The following KCNQ5 variants were observed in gnomAD, a reference collection of about 807,000 sequenced individuals.
KCNQ5 encodes the protein potassium voltage-gated channel subfamily KQT member 5.
In KCNQ5, 30 loss-of-function variants were observed where a neutral mutation model predicts 98.2. The ratio of observed to expected loss-of-function variants is 0.31; its 90% CI spans 0.23 to 0.41. KCNQ5 has a LOEUF of 0.41. Among genes scored for constraint, KCNQ5 ranks in the 10% least tolerant of loss-of-function variants. The pLI is 1.00. For missense variants in KCNQ5, 835 were observed against 1,182.5 expected, an observed-to-expected ratio of 0.71 and a Z score of 4.31; for synonymous variants, 458 against 449.4, an observed-to-expected ratio of 1.02 and a Z score of -0.24.
At chr6:73,116,555 AC>A (rs1775505417) in intron 7 of KCNQ5, among the ~76,000 whole-genome samples, 2 of 152,122 alleles carry the variant, frequency 1.3e-5, no homozygotes, top group African/African-American at 4.8e-5. Flanking sequence ...GTCCTCACAC[AC>A]CTGTAGCTAC....
At chr6:72,749,667 A>G (rs2840794) in intron 1 of KCNQ5, among the ~76,000 whole-genome samples, 119,840 of 151,978 alleles carry the variant, frequency 0.79, 47,815 homozygotes, top group East Asian at 0.95. Context: ...GGAAAAATAC[A>G]AGGCACAAAT....
At chr6:72,756,741 C>T (rs1443313543) in intron 1 of KCNQ5, among the ~76,000 whole-genome samples, 2 of 151,870 alleles carry the variant, frequency 1.3e-5, no homozygotes, top group African/African-American at 4.8e-5. Flanking sequence ...TACATTTTTA[C>T]TTGTTTTTAT....
At chr6:72,987,365 C>T (rs1479165424) in intron 1 of KCNQ5, 9 of 718,848 alleles carry the variant, frequency 1.3e-5, no homozygotes, top group East Asian at 3.0e-5. Context: ...AAGGAGAGAT[C>T]GATCGAGAGT....
At chr6:73,015,985 G>A (rs966361347) in intron 2 of KCNQ5, among the ~76,000 whole-genome samples, 1 of 151,974 alleles carries the variant, frequency 6.6e-6, no homozygotes, top group East Asian at 1.9e-4. Flanking sequence ...ACCCAATAAG[G>A]ATGAGGCATT....
chr6:72,706,850 C>T (rs759071703), intron 1 of KCNQ5, among the ~76,000 whole-genome samples: 26 of 152,156 alleles, frequency 1.7e-4, no homozygotes, highest in South Asian at 4.1e-4. Context: ...TTACTATTCC[C>T]TCTTGTCAAA....
intron 1 of KCNQ5, among the ~76,000 whole-genome samples, chr6:72,745,820 G>A (rs1412004324): frequency 6.6e-6 from 1 of 152,044 alleles, no homozygotes; most frequent in Non-Finnish European, 1.5e-5. Flanking sequence ...AAGGCTCCAG[G>A]GAAGAAGCCT....
chr6:73,173,637 T>A (rs78023068), intron 11 of KCNQ5, among the ~76,000 whole-genome samples: 4,338 of 152,212 alleles, frequency 0.028, 98 homozygotes, highest in East Asian at 0.1. Flanking sequence ...TACACAAAAA[T>A]TAATATATGC....
intron 1 of KCNQ5, among the ~76,000 whole-genome samples, chr6:72,647,467 AAAAG>A (rs1392453743): frequency 6.6e-6 from 1 of 152,036 alleles, no homozygotes; most frequent in Non-Finnish European, 1.5e-5. Flanking sequence ...AAACGAAAAA[AAAAG>A]AAAAAAAAAA....
intron 1 of KCNQ5, among the ~76,000 whole-genome samples, chr6:72,917,179 C>G (rs949607477): frequency 2.6e-5 from 4 of 152,168 alleles, no homozygotes; most frequent in African/African-American, 9.7e-5. Context: ...ATTTCCTCTG[C>G]TGCTGCTTAT....
At chr6:73,123,424 T>A (rs1409310936) in intron 8 of KCNQ5, among the ~76,000 whole-genome samples, 1 of 152,100 alleles carries the variant, frequency 6.6e-6, no homozygotes, top group African/African-American at 2.4e-5. Flanking sequence ...TGGGATGCTT[T>A]GATTCCACTA....
At chr6:72,987,521 C>T (rs1320480282) in intron 1 of KCNQ5, 3 of 658,452 alleles carry the variant, frequency 4.6e-6, no homozygotes, top group Non-Finnish European at 8.6e-6. Flanking sequence ...CTTCGTTCAG[C>T]CGCCACCCCC....
chr6:72,921,963 T>C (rs1399476168), intron 1 of KCNQ5, among the ~76,000 whole-genome samples: 1 of 152,200 alleles, frequency 6.6e-6, no homozygotes, highest in Non-Finnish European at 1.5e-5. Flanking sequence ...AAATTCTTGA[T>C]ACAGTTAATG....
At chr6:73,019,381 T>C (rs999903989) in intron 2 of KCNQ5, among the ~76,000 whole-genome samples, 20 of 152,170 alleles carry the variant, frequency 1.3e-4, no homozygotes, top group Admixed American at 1.3e-4. Context: ...ATATATGGCA[T>C]TGTGGCAGGA....
chr6:72,723,681 A>T (rs544069974), intron 1 of KCNQ5, among the ~76,000 whole-genome samples: 50 of 151,506 alleles, frequency 3.3e-4, no homozygotes, highest in South Asian at 1.0e-3. Flanking sequence ...ATCACAGGTG[A>T]TCATATAAAT....
intron 1 of KCNQ5, among the ~76,000 whole-genome samples, chr6:72,935,108 G>C: frequency 1.0e-5 from 1 of 99,388 alleles, no homozygotes; most frequent in South Asian, 3.5e-4. Context: ...TTTCGCTCTT[G>C]TCACCAGGCT....
chr6:72,795,645 A>C (rs1774290096), intron 1 of KCNQ5, among the ~76,000 whole-genome samples: 1 of 152,184 alleles, frequency 6.6e-6, no homozygotes, highest in East Asian at 1.9e-4. Flanking sequence ...GGTGGGAGTA[A>C]TATAACATAT....
intron 1 of KCNQ5, among the ~76,000 whole-genome samples, chr6:72,740,862 C>T (rs898291550): frequency 3.9e-5 from 6 of 152,174 alleles, no homozygotes; most frequent in African/African-American, 1.4e-4. Flanking sequence ...GTCTCCTTTA[C>T]CTGCCCTCTA....
At chr6:73,003,721 G>A (rs1355016794) in intron 1 of KCNQ5, among the ~76,000 whole-genome samples, 187 bp from the exon 2 acceptor site, 3 of 152,070 alleles carry the variant, frequency 2.0e-5, no homozygotes, top group Admixed American at 6.6e-5. Context: ...AATTGCAGAG[G>A]AGCCCCATTT....
At chr6:73,108,928 G>C (rs1435093913) in intron 6 of KCNQ5, among the ~76,000 whole-genome samples, 1 of 152,108 alleles carries the variant, frequency 6.6e-6, no homozygotes, top group Non-Finnish European at 1.5e-5. Flanking sequence ...GATAATGAAG[G>C]GTAAATTTCT....
Sources: gnomAD v4.1 joint callset for allele counts (sites outside exome capture counted in the v4.1 genomes callset) on GRCh38, gnomAD v4.1.1 for gene constraint, MANE v1.5 for transcripts, NCBI Gene and HGNC (gene_info 2026-07-23, HGNC 2026-07-21) for gene names.